Variants in AGO4 observed in about 807,000 individuals in gnomAD.
The protein encoded by AGO4 is argonaute RISC component 4.
In AGO4, 33 loss-of-function variants were observed where a neutral mutation model predicts 104.7. That is an observed-to-expected ratio of 0.32 (90% CI 0.24 to 0.42). AGO4 has a LOEUF of 0.42. Among genes scored for constraint, AGO4 ranks in the 10% least tolerant of loss-of-function variants. AGO4 has a pLI of 1.00. For missense variants in AGO4, 711 were observed against 1,083.4 expected (o/e 0.66, Z 4.83); for synonymous variants, 331 against 364.7 (o/e 0.91, Z 1.05).
At chr1:35,830,383 A>G (rs1423238067) in intron 7 of AGO4, among the ~76,000 whole-genome samples, 3 of 152,184 alleles carry the variant, frequency 2.0e-5, no homozygotes, top group Non-Finnish European at 4.4e-5. Context: ...CTCATTTTAC[A>G]TAAAGTTATC....
Position 35,825,729 on chromosome 1 carries a change from A to G in AGO4, c.539A>G (p.His180Arg). 1 of 1,588,712 alleles carries G rather than the reference A, an allele frequency of 6.3e-7. No homozygotes were observed. The highest frequency in any genetic ancestry group is 8.5e-7 in the Non-Finnish European group (1 of 1,171,258). The change falls in exon 5 of 18, where the codon CAC becomes CGC. Residue 180 changes from histidine to arginine, a missense_variant. Around this residue, in one of 3 missense-constraint regions of AGO4, gnomAD observed 308 missense variants for 397.8 expected, o/e 0.77. Transcript: ENST00000373210. ...TTCTCACCCCCGGAAGGTTACTACC[A>G]CCCTCTGGGAGGGGGCAGGGAGGTC... ...SFFSPPEGYY[H>R]PLGGGREVWF...
At chr1:35,851,150 C>G in intron 17 of AGO4, 97 bp downstream of exon 17, 3 of 1,227,224 alleles carry the variant, frequency 2.4e-6, no homozygotes, top group South Asian at 1.5e-5. Flanking sequence ...TTTAAACTTT[C>G]AGAGTTTAAA....
At chr1:35,807,940 G>A (rs1363891098), upstream of AGO4, among the ~76,000 whole-genome samples, 1 of 151,910 alleles carries the variant, frequency 6.6e-6, no homozygotes, top group Non-Finnish European at 1.5e-5. Flanking sequence ...GCCTCCTCGG[G>A]TGGACGGGGC....
At chr1:35,832,630 T>C in intron 11 of AGO4, 60 bp downstream of exon 11, 1 of 1,588,514 alleles carries the variant, frequency 6.3e-7, no homozygotes, top group Middle Eastern at 1.7e-4. Flanking sequence ...AATACTGTCT[T>C]TATGTGAATG....
chr1:35,810,027 C>CTTT (rs369131487), intron 1 of AGO4, among the ~76,000 whole-genome samples: 1 of 147,334 alleles, frequency 6.8e-6, no homozygotes, highest in African/African-American at 2.6e-5. Context: ...CCCAGGGACT[C>CTTT]TTTTTTTTTT....
At chr1:35,822,726 C>A in intron 2 of AGO4, 136 bp from the exon 3 acceptor site, 2 of 1,078,048 alleles carry the variant, frequency 1.9e-6, no homozygotes, top group Non-Finnish European at 2.6e-6. Context: ...TTAAAGTACT[C>A]GAATCAATTG....
intron 13 of AGO4, among the ~76,000 whole-genome samples, chr1:35,838,046 C>CTATT (rs1167171418): frequency 2.0e-5 from 3 of 150,884 alleles, no homozygotes; most frequent in Non-Finnish European, 3.0e-5. Context: ...CCATGCCTGC[C>CTATT]TATTTATTTA....
At chr1:35,833,944 G>A (rs1379170999) in intron 11 of AGO4, 46 bp from the exon 12 acceptor site, 20 of 1,358,688 alleles carry the variant, frequency 1.5e-5, no homozygotes, top group Non-Finnish European at 1.7e-5. Flanking sequence ...TGCTAGAAAT[G>A]TACTCTGAAA....
chr1:35,852,188 G>C (rs1392305570), intron 17 of AGO4, among the ~76,000 whole-genome samples: 1 of 152,180 alleles, frequency 6.6e-6, no homozygotes, highest in African/African-American at 2.4e-5. Context: ...GTTAAAGCAA[G>C]ACCGTGTTTG....
intron 17 of AGO4, among the ~76,000 whole-genome samples, chr1:35,852,976 C>T (rs192848587): frequency 5.0e-4 from 76 of 152,272 alleles, no homozygotes; most frequent in Admixed American, 1.0e-3. Context: ...GTTGGCCTGG[C>T]GCGGTGGCTC....
chr1:35,841,541 A>T lies in AGO4; in HGVS notation c.2040+61A>T, dbSNP rs1472337305. On this transcript the variant is annotated intron_variant, in intron 14 of 17. Coordinates refer to ENST00000373210, the MANE Select transcript of AGO4 (RefSeq NM_017629.4). The surrounding 1 kb of genome is among the most constrained non-coding windows in gnomAD (Gnocchi z 4.7). ...TAGGAGTCTGAGGGAGATTCCTCTC[A>T]TCTACCATTCTGGGTAGATCTGAGA... The T allele has an allele frequency of 2.5e-6, 4 of 1,609,224 alleles. No homozygotes were observed. The highest frequency in any genetic ancestry group is 2.7e-5 in the African/African-American group (2 of 74,744).
chr1:35,827,577 A>G (rs1382285513), intron 7 of AGO4, among the ~76,000 whole-genome samples: 2 of 152,160 alleles, frequency 1.3e-5, no homozygotes, highest in African/African-American at 4.8e-5. Flanking sequence ...GATCACGAGA[A>G]TCTTTGCTTT....
chr1:35,814,074 CAAA>C (rs1210490285), intron 1 of AGO4, among the ~76,000 whole-genome samples: 2 of 69,820 alleles, frequency 2.9e-5, no homozygotes, highest in East Asian at 4.1e-4. Flanking sequence ...GACTCCATCT[CAAA>C]AAAAAAAAAG....
At position 35,825,497 on chromosome 1, in the gene AGO4, T is replaced by A. The variant is rs1171249973; in HGVS notation, c.488+3T>A. 6.2e-7 allele frequency: 1 copy of A among 1,612,432 alleles called. No individual in the cohort carries two copies. On this transcript the variant is annotated splice_donor_region_variant and intron_variant, in intron 4 of 17. Transcript: ENST00000373210. ...ACAAGACACCTTCCCTCCATGAGGT[T>A]AGTACCTTGGTTTGGATTATTTCCT...
Position 35,816,994 on chromosome 1 carries a change from G to T in AGO4, c.132G>T (p.Val44=). The change falls in exon 2 of 18, where the codon GTG becomes GTT. Residue 44 remains valine, a synonymous_variant. Transcript: ENST00000373210. ...HFQVQIPKID[V]YHYDVDIKPE... ...AGGTTCAGATTCCTAAAATAGATGTGTATCACTATGATGTGGATATTAAGC... is the reference window on the plus strand; with the variant it reads ...AGGTTCAGATTCCTAAAATAGATGTTTATCACTATGATGTGGATATTAAGC... The T allele has an allele frequency of 6.2e-7, 1 of 1,613,964 alleles. No individual in the cohort carries two copies. The highest frequency in any genetic ancestry group is 8.5e-7 in the Non-Finnish European group (1 of 1,179,942).
In AGO4 at chr1:35,841,782, G is replaced by A; in HGVS notation, c.2175+32G>A. On this transcript the variant is annotated intron_variant, in intron 15 of 17. Coordinates refer to ENST00000373210, the MANE Select transcript of AGO4 (RefSeq NM_017629.4). The surrounding 1 kb of genome is among the most constrained non-coding windows in gnomAD (Gnocchi z 4.7). ...AGATATAATATAAGCTTTGTTATCT[G>A]AGGCTCTGGCAAGAGATGTATATAT... 1 of 1,591,576 alleles carries A rather than the reference G, an allele frequency of 6.3e-7. No individual in the cohort carries two copies. Among genetic ancestry groups the A allele is most frequent in the South Asian group, 1.1e-5 (1 of 89,456 alleles).
chr1:35,844,827 C>G (rs1053439439), intron 15 of AGO4, among the ~76,000 whole-genome samples: 8 of 152,214 alleles, frequency 5.3e-5, no homozygotes, highest in African/African-American at 1.9e-4. Context: ...CTCCCTCAGT[C>G]TCACTGCTAC....
rs770461495 is a variant in AGO4 at position 35,853,494 on chromosome 1, C to T, written c.2478-3C>T. On this transcript the variant is annotated splice_region_variant and splice_polypyrimidine_tract_variant and intron_variant, in intron 17 of 17. Coordinates refer to ENST00000373210, the MANE Select transcript of AGO4 (RefSeq NM_017629.4). ...GTTTTGTTTTGTTTTATTCTCTTTA[C>T]AGTGCGGAAGGCAGTCATGTGTCAG... 6 of 1,601,150 alleles carry T rather than the reference C, an allele frequency of 3.7e-6. No homozygotes were observed. Among genetic ancestry groups the T allele is most frequent in the Middle Eastern group, 1.7e-4 (1 of 5,994 alleles).
intron 3 of AGO4, among the ~76,000 whole-genome samples, chr1:35,824,766 A>C (rs1571271802): frequency 6.6e-6 from 1 of 152,062 alleles, no homozygotes; most frequent in Non-Finnish European, 1.5e-5. Context: ...GCACCACTGC[A>C]CTCCAGCTTG....
Sources: allele counts gnomAD v4.1 joint callset (sites outside exome capture counted in the v4.1 genomes callset), GRCh38; gene constraint gnomAD v4.1.1; regional missense constraint gnomAD v4.1.1; non-coding constraint Gnocchi (gnomAD v3.1); transcripts MANE v1.5; gene names NCBI Gene and HGNC (gene_info 2026-07-23, HGNC 2026-07-21).